The following HPSE2 variants were observed in gnomAD, a reference collection of about 807,000 sequenced individuals.
HPSE2 encodes heparanase 2 (inactive).
Under a neutral mutation model 60.5 loss-of-function variants are expected in HPSE2, and 38 were observed. The observed-to-expected ratio is 0.63, with a 90% CI of 0.48 to 0.82. The LOEUF is 0.82. HPSE2 is among the 40% of genes least tolerant of loss of function. The probability of loss-of-function intolerance (pLI) is 0.00; values close to 1 mark genes in which losing one functional copy is unlikely to be tolerated. For synonymous variants in HPSE2, 295 were observed against 293.2 expected, an observed-to-expected ratio of 1.01 and a Z score of -0.06; for missense variants, 713 against 740.4, an observed-to-expected ratio of 0.96 and a Z score of 0.43.
At position 99,232,511 on chromosome 10, in the gene HPSE2, G is replaced by A; in HGVS notation, c.291-6C>T. ...GGGTCACCAAGCGCTTGGAGCTGCA[G>A]AGGAAGAGAATAAGAGAGGAAAGGT... On this transcript the variant is annotated splice_region_variant and splice_polypyrimidine_tract_variant and intron_variant, in intron 1 of 11. Transcript: ENST00000370552. 2 of 1,552,258 alleles carry A rather than the reference G, an allele frequency of 1.3e-6. No individual in the cohort carries two copies. Among genetic ancestry groups the A allele is most frequent in the East Asian group, 4.9e-5 (2 of 41,168 alleles).
intron 2 of HPSE2, among the ~76,000 whole-genome samples, chr10:99,226,865 A>G (rs1330586948): frequency 6.6e-6 from 1 of 152,096 alleles, no homozygotes; most frequent in Non-Finnish European, 1.5e-5. Context: ...TATCTCGCCT[A>G]AAGCAATTAT....
At chr10:99,095,933 G>A (rs560423336) in intron 3 of HPSE2, among the ~76,000 whole-genome samples, 2 of 152,136 alleles carry the variant, frequency 1.3e-5, no homozygotes, top group South Asian at 2.1e-4. Context: ...TTCTTTGCTT[G>A]TATACAATGG....
At chr10:99,241,590 C>T in the HPSE2 span, among the ~76,000 whole-genome samples, 1 of 152,104 alleles carries the variant, frequency 6.6e-6, no homozygotes, top group Non-Finnish European at 1.5e-5. Flanking sequence ...GACTCTGTCT[C>T]TACAAAATGT....
At chr10:98,817,057 TCCTC>T (rs374958974) in intron 3 of HPSE2, among the ~76,000 whole-genome samples, 21 of 152,132 alleles carry the variant, frequency 1.4e-4, no homozygotes, top group African/African-American at 5.1e-4. Flanking sequence ...CTTCTTGAGC[TCCTC>T]CCTCCCTCCC....
chr10:98,530,210 T>C (rs1943088063), intron 9 of HPSE2, among the ~76,000 whole-genome samples: 1 of 152,168 alleles, frequency 6.6e-6, no homozygotes, highest in African/African-American at 2.4e-5. Flanking sequence ...GTTTGCGCTC[T>C]CTCCTGCTCA....
At chr10:98,533,708 C>T (rs1429185976) in intron 9 of HPSE2, among the ~76,000 whole-genome samples, 2 of 152,090 alleles carry the variant, frequency 1.3e-5, no homozygotes, top group African/African-American at 4.8e-5. Context: ...ATACTGCTCA[C>T]CCTAAGTAAT....
chr10:98,587,787 T>C (rs1460102671), intron 9 of HPSE2, among the ~76,000 whole-genome samples: 2 of 152,242 alleles, frequency 1.3e-5, no homozygotes, highest in East Asian at 1.9e-4. Flanking sequence ...TAAAGGCTTA[T>C]GCTAACATTC....
intron 3 of HPSE2, among the ~76,000 whole-genome samples, chr10:98,814,223 A>G (rs1028430103): frequency 1.3e-5 from 2 of 152,000 alleles, no homozygotes; most frequent in African/African-American, 4.8e-5. Flanking sequence ...AATTGAAAAA[A>G]AAATTTAAAA....
At chr10:99,278,624 A>G in the HPSE2 span, among the ~76,000 whole-genome samples, 1 of 152,222 alleles carries the variant, frequency 6.6e-6, no homozygotes, top group Non-Finnish European at 1.5e-5. Flanking sequence ...TCTGTTTATC[A>G]GGATGAAAAA....
Position 99,141,223 on chromosome 10 carries a change from A to T in HPSE2, c.610+3015T>A, listed in dbSNP as rs1453486087. 1.3e-5 allele frequency among the ~76,000 whole-genome samples: 2 copies of T among 152,126 alleles called. 1 individual carries two copies. Among genetic ancestry groups the T allele is most frequent in the East Asian group, 3.9e-4 (2 of 5,188 alleles). On this transcript the variant is annotated intron_variant, in intron 3 of 11. Transcript: ENST00000370552. ...TAGCCACTCCTTGAGTGACATGCAC[A>T]ATAACAACACTCTCCAGCTCAAGAA...
chr10:99,149,247 A>C (rs937116166), intron 2 of HPSE2, among the ~76,000 whole-genome samples: 1 of 152,146 alleles, frequency 6.6e-6, no homozygotes, highest in African/African-American at 2.4e-5. Flanking sequence ...GAAAAGGACT[A>C]CTTCATGAAG....
the HPSE2 span, among the ~76,000 whole-genome samples, chr10:99,299,736 T>C: frequency 6.6e-6 from 1 of 152,176 alleles, no homozygotes; most frequent in East Asian, 1.9e-4. Context: ...TATGAAGAAG[T>C]GTGCAGTCAA....
chr10:98,914,888 G>A (rs982522777), intron 3 of HPSE2, among the ~76,000 whole-genome samples: 3 of 150,738 alleles, frequency 2.0e-5, no homozygotes, highest in Non-Finnish European at 3.0e-5. Flanking sequence ...CCCAACACCC[G>A]ACTCCTATGA....
chr10:99,305,842 C>T, the HPSE2 span, among the ~76,000 whole-genome samples: 176 of 152,112 alleles, frequency 1.2e-3, no homozygotes, highest in African/African-American at 4.0e-3. Context: ...GACATTCTGA[C>T]TCAAACTAAA....
chr10:98,943,522 C>T (rs960327595), intron 3 of HPSE2, among the ~76,000 whole-genome samples: 1 of 152,082 alleles, frequency 6.6e-6, no homozygotes, highest in Non-Finnish European at 1.5e-5. Flanking sequence ...GTACCCCCCA[C>T]ATCATACTAG....
At position 98,941,900 on chromosome 10, in the gene HPSE2, G is replaced by T. The variant is rs561644935; in HGVS notation, c.611-197844C>A. 3.5e-4 allele frequency among the ~76,000 whole-genome samples: 50 copies of T among 141,826 alleles called. 2 individuals are homozygous for T. Among genetic ancestry groups the T allele is most frequent in the Non-Finnish European group, 6.8e-4 (45 of 66,512 alleles). 93.0% of individuals were successfully genotyped at this position (141,826 alleles called of 152,430 possible). A position where few individuals can be genotyped will look rare whatever the true frequency, so the allele number is the denominator to read the frequency against. ...AACAGAGATATAGATCAATGGAACAGAACAGAGCCCTCAGAAATAATGCCA... is the reference window on the plus strand; with the variant it reads ...AACAGAGATATAGATCAATGGAACATAACAGAGCCCTCAGAAATAATGCCA... On this transcript the variant is annotated intron_variant, in intron 3 of 11. Transcript: ENST00000370552.
intron 7 of HPSE2, among the ~76,000 whole-genome samples, chr10:98,622,165 A>G (rs1394782814): frequency 1.3e-5 from 2 of 152,214 alleles, no homozygotes; most frequent in African/African-American, 4.8e-5. Flanking sequence ...CAATAAAGTC[A>G]ATGTAAATCC....
chr10:99,197,540 T>G (rs772446402), intron 2 of HPSE2, among the ~76,000 whole-genome samples: 1 of 152,098 alleles, frequency 6.6e-6, no homozygotes, highest in Non-Finnish European at 1.5e-5. Context: ...ACAAAATAAA[T>G]AATACTGCTA....
At chr10:98,774,426 G>T (rs910945560) in intron 3 of HPSE2, among the ~76,000 whole-genome samples, 2 of 152,210 alleles carry the variant, frequency 1.3e-5, no homozygotes. Context: ...GATTGTGTCA[G>T]CTCTCTCTTT....
Sources: allele counts gnomAD v4.1 joint callset (sites outside exome capture counted in the v4.1 genomes callset), GRCh38; gene constraint gnomAD v4.1.1; transcripts MANE v1.5; gene names NCBI Gene and HGNC (gene_info 2026-07-23, HGNC 2026-07-21).